Variants in KCNH8 observed in about 807,000 individuals in gnomAD.
The protein encoded by KCNH8 is voltage-gated delayed rectifier potassium channel KCNH8.
KCNH8 carries 70 observed loss-of-function variants against 103.6 expected under a neutral mutation model. The ratio of observed to expected loss-of-function variants is 0.68; its 90% CI spans 0.56 to 0.82. KCNH8 has a LOEUF of 0.82. KCNH8 is among the 40% of genes least tolerant of loss of function. The pLI is 0.00. For missense variants in KCNH8, 1,217 were observed against 1,329.9 expected (o/e 0.92, Z 1.32); for synonymous variants, 498 against 489.4 (o/e 1.02, Z -0.23).
chr3:19,309,791 T>C (rs2065185948), intron 3 of KCNH8, among the ~76,000 whole-genome samples: 2 of 151,942 alleles, frequency 1.3e-5, no homozygotes, highest in South Asian at 4.1e-4. Flanking sequence ...ATCAGCCATG[T>C]CCTTTTTGAA....
At chr3:19,227,685 T>C (rs1372208839) in intron 1 of KCNH8, among the ~76,000 whole-genome samples, 1 of 152,232 alleles carries the variant, frequency 6.6e-6, no homozygotes, top group Non-Finnish European at 1.5e-5. Flanking sequence ...ATCTTGTTTA[T>C]GCTATAGATT....
intron 5 of KCNH8, among the ~76,000 whole-genome samples, chr3:19,370,479 T>C (rs1446605457): frequency 6.6e-6 from 1 of 152,068 alleles, no homozygotes; most frequent in Non-Finnish European, 1.5e-5. Flanking sequence ...TTAGGACACA[T>C]TTTATTTTGT....
intron 3 of KCNH8, among the ~76,000 whole-genome samples, chr3:19,298,745 A>AC (rs1330184967): frequency 1.3e-5 from 2 of 151,754 alleles, no homozygotes; most frequent in Non-Finnish European, 2.9e-5. Flanking sequence ...ACATGGTGAA[A>AC]CCCCGTCTCT....
At chr3:19,476,556 G>A (rs1017325713) in intron 11 of KCNH8, among the ~76,000 whole-genome samples, 1 of 152,086 alleles carries the variant, frequency 6.6e-6, no homozygotes, top group Non-Finnish European at 1.5e-5. Flanking sequence ...GCGGGTCACT[G>A]GGGGGCATGG....
At chr3:19,149,786 G>A (rs778962430) in intron 1 of KCNH8, among the ~76,000 whole-genome samples, 18 of 152,148 alleles carry the variant, frequency 1.2e-4, no homozygotes, top group Non-Finnish European at 2.4e-4. Flanking sequence ...TTTCTGTTGA[G>A]ACTCAGAGAA....
chr3:19,414,682 ATAT>A (rs1215673838), intron 7 of KCNH8, among the ~76,000 whole-genome samples: 2 of 152,088 alleles, frequency 1.3e-5, no homozygotes, highest in Non-Finnish European at 2.9e-5. Context: ...TATCAAATTA[ATAT>A]TATGCTTACA....
At chr3:19,421,016 A>G (rs1055998561) in intron 7 of KCNH8, among the ~76,000 whole-genome samples, 1 of 152,144 alleles carries the variant, frequency 6.6e-6, no homozygotes, top group Non-Finnish European at 1.5e-5. Context: ...GAAAAGAAAG[A>G]AGAAAGAACT....
At chr3:19,171,504 A>G (rs2063348320) in intron 1 of KCNH8, among the ~76,000 whole-genome samples, 1 of 152,188 alleles carries the variant, frequency 6.6e-6, no homozygotes, top group Non-Finnish European at 1.5e-5. Context: ...AGGGTTGATG[A>G]ACATGGTGGA....
At chr3:19,463,498 C>A (rs2067676012) in intron 11 of KCNH8, among the ~76,000 whole-genome samples, 1 of 151,090 alleles carries the variant, frequency 6.6e-6, no homozygotes, top group Admixed American at 6.6e-5. Context: ...ACACAAAAGA[C>A]AACAAGCAGA....
At chr3:19,493,797 C>T (rs2068377169) in intron 11 of KCNH8, among the ~76,000 whole-genome samples, 2 of 151,978 alleles carry the variant, frequency 1.3e-5, no homozygotes, top group Non-Finnish European at 1.5e-5. Flanking sequence ...CTCCTTATGT[C>T]ATTTATATTA....
chr3:19,490,546 G>A (rs943353099), intron 11 of KCNH8, among the ~76,000 whole-genome samples: 8 of 152,168 alleles, frequency 5.3e-5, no homozygotes, highest in Non-Finnish European at 8.8e-5. Context: ...TAATATAACC[G>A]ATTAGGTCAG....
At chr3:19,355,885 A>AT (rs2065875313) in intron 5 of KCNH8, among the ~76,000 whole-genome samples, 1 of 150,286 alleles carries the variant, frequency 6.7e-6, no homozygotes, top group African/African-American at 2.4e-5. Context: ...AGTATAATAA[A>AT]ATATATATAT....
At chr3:19,404,731 ATC>A (rs1464625887) in intron 7 of KCNH8, among the ~76,000 whole-genome samples, 2 of 151,934 alleles carry the variant, frequency 1.3e-5, no homozygotes, top group Non-Finnish European at 2.9e-5. Context: ...GAGCAATGTG[ATC>A]TACTGACTTG....
chr3:19,446,563 T>G (rs572588912), intron 8 of KCNH8, among the ~76,000 whole-genome samples: 6 of 152,072 alleles, frequency 3.9e-5, no homozygotes, highest in South Asian at 4.2e-4. Flanking sequence ...GCCAGTGTAC[T>G]TATAACCAAG....
chr3:19,236,494 G>A (rs537774153), intron 1 of KCNH8, among the ~76,000 whole-genome samples: 6 of 152,326 alleles, frequency 3.9e-5, no homozygotes, highest in East Asian at 1.9e-4. Context: ...TGTACACTGC[G>A]TGGTGTATGC....
intron 1 of KCNH8, among the ~76,000 whole-genome samples, chr3:19,231,600 T>C (rs1273586768): frequency 1.3e-5 from 2 of 152,214 alleles, no homozygotes; most frequent in Non-Finnish European, 2.9e-5. Flanking sequence ...GAAATGGTTC[T>C]TTCTAATTTA....
chr3:19,490,668 G>T (rs1166567355), intron 11 of KCNH8, among the ~76,000 whole-genome samples: 2 of 152,106 alleles, frequency 1.3e-5, no homozygotes, highest in Non-Finnish European at 2.9e-5. Context: ...CAGAAATTGG[G>T]CATAAGACAA....
intron 3 of KCNH8, among the ~76,000 whole-genome samples, chr3:19,317,904 G>GA (rs1328066875): frequency 6.6e-6 from 1 of 151,876 alleles, no homozygotes; most frequent in African/African-American, 2.4e-5. Flanking sequence ...CATTCCCCTT[G>GA]AAAACTGGCA....
intron 3 of KCNH8, among the ~76,000 whole-genome samples, chr3:19,286,360 GAACA>G (rs1360822305): frequency 6.6e-6 from 1 of 152,200 alleles, no homozygotes; most frequent in Non-Finnish European, 1.5e-5. Context: ...GAAGAGATTA[GAACA>G]AACAAAGAGA....
Sources: allele counts gnomAD v4.1 joint callset (sites outside exome capture counted in the v4.1 genomes callset), GRCh38; gene constraint gnomAD v4.1.1; transcripts MANE v1.5; gene names NCBI Gene and HGNC (gene_info 2026-07-23, HGNC 2026-07-21).